The following BRD4 variants were observed in gnomAD, a reference collection of about 807,000 sequenced individuals.
The protein encoded by BRD4 is bromodomain containing 4.
BRD4 carries 16 observed loss-of-function variants against 142.1 expected under a neutral mutation model. The ratio of observed to expected loss-of-function variants is 0.11; its 90% CI spans 0.08 to 0.17. BRD4 has a LOEUF of 0.17. Among genes scored for constraint, BRD4 ranks in the 10% least tolerant of loss-of-function variants. BRD4 has a pLI of 1.00. For missense variants in BRD4, 1,424 were observed against 1,810.9 expected (o/e 0.79, Z 3.88); for synonymous variants, 833 against 707.5 (o/e 1.18, Z -2.82).
intron 1 of BRD4, among the ~76,000 whole-genome samples, chr19:15,308,615 GTGACACTGGA>G (rs1161497659): frequency 6.6e-6 from 1 of 151,312 alleles, no homozygotes; most frequent in Non-Finnish European, 1.5e-5. Flanking sequence ...AGTATAAGCT[GTGACACTGGA>G]TGAAGAAAGT....
chr19:15,253,639 G>A (rs753130090), intron 11 of BRD4: 1 of 1,597,470 alleles, frequency 6.3e-7, no homozygotes, highest in Admixed American at 1.7e-5. Flanking sequence ...AGGGCCAGCA[G>A]CAGACTGGCG....
At chr19:15,272,665 A>G (rs925254261) in intron 2 of BRD4, 150 bp downstream of exon 2, 1 of 671,282 alleles carries the variant, frequency 1.5e-6, no homozygotes. Flanking sequence ...ACTGATCAGA[A>G]CTGCTGAAAC....
chr19:15,294,601 TACC>T (rs2047808677), intron 1 of BRD4, among the ~76,000 whole-genome samples: 1 of 152,232 alleles, frequency 6.6e-6, no homozygotes, highest in Non-Finnish European at 1.5e-5. Context: ...AATCTCAATA[TACC>T]ACAGGCAGCC....
intron 14 of BRD4, among the ~76,000 whole-genome samples, chr19:15,241,958 G>A (rs2047241633): frequency 6.6e-6 from 1 of 152,038 alleles, no homozygotes; most frequent in African/African-American, 2.4e-5. Flanking sequence ...GATTACAGGT[G>A]CCTGCCACCA....
rs2047325069 is a variant in BRD4 at position 15,249,800 on chromosome 19, G to A, written c.2158+4352C>T. ...TCCTCCTGGGTCTACAAGAAAGGAG[G>A]TACCAGAATGCAGGACCCCCAGTGG... is the stretch of plus-strand genomic sequence containing the variant. On this transcript the variant is annotated intron_variant, in intron 11 of 19. Transcript: ENST00000679869. 2.0e-5 allele frequency among the ~76,000 whole-genome samples: 3 copies of A among 152,080 alleles called. No individual in the cohort carries two copies. The South Asian group carries it at 6.2e-4, about 32-fold the overall frequency.
chr19:15,299,183 CG>C (rs1448245931), intron 1 of BRD4, among the ~76,000 whole-genome samples: 2 of 152,166 alleles, frequency 1.3e-5, no homozygotes, highest in Non-Finnish European at 2.9e-5. Flanking sequence ...TCCTGATCCA[CG>C]TGTCTGTCTT....
intron 3 of BRD4, 98 bp downstream of exon 3, chr19:15,268,807 C>T (rs1342747991): frequency 3.6e-6 from 5 of 1,406,830 alleles, no homozygotes; most frequent in Non-Finnish European, 4.9e-6. Flanking sequence ...AGCCCAGCCA[C>T]ACCCAACACC....
rs1291962463 is a variant in BRD4 at position 15,243,144 on chromosome 19, T to C, written c.2925A>G (p.Pro975=). ...SVQQQLQQQP[P]PPPPPQPQPP... is the part of the protein sequence containing the mutation. ...GCTGGGGCTGGGGTGGTGGGGGTGG[T>C]GGCGGCTGCTGCTGCAGCTGCTGCT... Residue 975 remains proline (P), a synonymous_variant, in exon 14 of 20, where the codon CCA becomes CCG. Transcript: ENST00000679869. The C allele has an allele frequency of 8.2e-6, 3 of 366,684 alleles. No homozygotes were observed. Among genetic ancestry groups the C allele is most frequent in the Non-Finnish European group, 1.3e-5 (3 of 226,616 alleles). 22.7% of individuals were successfully genotyped at this position (366,684 alleles called of 1,614,324 possible). A position where few individuals can be genotyped will look rare whatever the true frequency, so the allele number is the denominator to read the frequency against.
At chr19:15,311,178 G>C (rs919439891) in intron 1 of BRD4, among the ~76,000 whole-genome samples, 1 of 152,064 alleles carries the variant, frequency 6.6e-6, no homozygotes, top group African/African-American at 2.4e-5. Flanking sequence ...TGTAGTCCCA[G>C]CTACTTGAGA....
intron 1 of BRD4, among the ~76,000 whole-genome samples, chr19:15,281,021 C>A (rs901476566): frequency 6.6e-6 from 1 of 152,206 alleles, no homozygotes; most frequent in South Asian, 2.1e-4. Context: ...TTCCTGACAG[C>A]GGCTTCTTTA....
chr19:15,249,757 G>T lies in BRD4; in HGVS notation c.2158+4395C>A, dbSNP rs145530167. On this transcript the variant is annotated intron_variant, in intron 11 of 19. Transcript: ENST00000679869. ...GGGGCTGTGCACTGTCTAGTCTCAG[G>T]AAGGCGATGCCAGCCCTTCCTCCTG... Among the ~76,000 whole-genome samples, 223 of 152,232 alleles carry T rather than the reference G, an allele frequency of 1.5e-3. 1 individual carries two copies. The highest frequency in any genetic ancestry group is 5.1e-3 in the African/African-American group (211 of 41,518).
intron 1 of BRD4, among the ~76,000 whole-genome samples, chr19:15,273,894 T>C (rs546571309): frequency 2.1e-4 from 32 of 151,588 alleles, no homozygotes; most frequent in African/African-American, 7.8e-4. Flanking sequence ...GAACTTTTAG[T>C]GGGTTCAGAA....
intron 11 of BRD4, among the ~76,000 whole-genome samples, chr19:15,251,247 C>T (rs982613789): frequency 2.6e-5 from 4 of 152,090 alleles, no homozygotes; most frequent in Admixed American, 2.6e-4. Flanking sequence ...CACAGCATCC[C>T]GGTCTATGGA....
At chr19:15,243,528 T>G in intron 13 of BRD4, 41 bp from the exon 14 acceptor site, 1 of 1,504,662 alleles carries the variant, frequency 6.6e-7, no homozygotes, top group Non-Finnish European at 8.8e-7. Flanking sequence ...CCTGAGCACC[T>G]GTGGCCCCAG....
chr19:15,327,918 T>TGTG (rs1203158942), intron 1 of BRD4, among the ~76,000 whole-genome samples: 1 of 17,840 alleles, frequency 5.6e-5, no homozygotes, highest in Non-Finnish European at 1.0e-4. Flanking sequence ...GGATTTCTTT[T>TGTG]GGGGGGGGGG....
intron 1 of BRD4, among the ~76,000 whole-genome samples, chr19:15,328,232 C>G (rs962752808): frequency 1.3e-5 from 2 of 151,870 alleles, no homozygotes; most frequent in Non-Finnish European, 2.9e-5. Context: ...ACAGATTGGC[C>G]AATCATGCAC....
chr19:15,265,480 CACT>C lies in BRD4; in HGVS notation c.720_722del (p.Val242del), dbSNP rs2047523236. ...GCGTCTGCAGTGGCTGGGGAGGCAC[CACT>C]GTCATGACAGGGGTCTGGACGATGA... On this transcript the variant is annotated inframe_deletion, in exon 5 of 20. Transcript: ENST00000679869. The C allele has an allele frequency of 3.7e-6, 6 of 1,607,636 alleles. No homozygotes were observed. The highest frequency in any genetic ancestry group is 4.3e-6 in the Non-Finnish European group (5 of 1,176,194).
chr19:15,273,025 T>C lies in BRD4; in HGVS notation c.75A>G (p.Gln25=), dbSNP rs761283936. ...PVMGDGLETS[Q]MSTTQAQAQP... is the part of the protein sequence containing the mutation. ...GGGCCTGGGCCTGTGTTGTAGACAT[T>C]TGGGAAGTTTCTAGTCCATCCCCCA... Residue 25 remains glutamine (Q), a synonymous_variant, in exon 2 of 20, where the codon CAA becomes CAG. Coordinates refer to ENST00000679869, the MANE Select transcript of BRD4 (RefSeq NM_001379291.1). 7 of 1,613,826 alleles carry C rather than the reference T, an allele frequency of 4.3e-6. No homozygotes were observed. Among genetic ancestry groups the C allele is most frequent in the African/African-American group, 1.3e-5 (1 of 74,904 alleles).
intron 1 of BRD4, among the ~76,000 whole-genome samples, chr19:15,276,024 G>A (rs2047642912): frequency 6.6e-6 from 1 of 152,116 alleles, no homozygotes; most frequent in South Asian, 2.1e-4. Flanking sequence ...AAAAGAAAGT[G>A]ATATCCATGG....
Sources: gnomAD v4.1 joint callset for allele counts (sites outside exome capture counted in the v4.1 genomes callset) on GRCh38, gnomAD v4.1.1 for gene constraint, MANE v1.5 for transcripts, NCBI Gene and HGNC (gene_info 2026-07-23, HGNC 2026-07-21) for gene names.